The following ZNF674 variants were observed in gnomAD, a reference collection of about 807,000 sequenced individuals.
ZNF674 encodes zinc finger protein 674.
A neutral mutation model predicts 7.0 loss-of-function variants in ZNF674; 2 were observed. The ratio of observed to expected loss-of-function variants is 0.29; its 90% CI spans 0.12 to 0.90. ZNF674 has a LOEUF of 0.90. Among genes scored for constraint, ZNF674 ranks in the 40% least tolerant of loss-of-function variants. ZNF674 has a pLI of 0.57. For synonymous variants in ZNF674, 103 were observed against 145.2 expected (o/e 0.71, Z 2.09); for missense variants, 297 against 415.5 (o/e 0.71, Z 2.48).
rs1569476343 is a variant in ZNF674, at chrX:46,519,259, T to TG, written c.238+9090_238+9091insC. 6.8e-5 allele frequency among the ~76,000 whole-genome samples: 5 copies of TG among 73,573 alleles called. No homozygotes were observed. In the East Asian group the frequency reaches 1.9e-3, roughly 29 times the overall value. The allele number at this position is 73,573 out of a possible 115,157, so 63.9% of individuals were successfully genotyped here. ...ATAGATAGATAGATAGATAGATAGA[T>TG]AGATAAAGATAGATGATAGATAGAT... On this transcript the variant is annotated intron_variant, in intron 5 of 5. Transcript: ENST00000683375.
chrX:46,521,654 G>C (rs762958649), intron 5 of ZNF674, among the ~76,000 whole-genome samples: 1 of 109,308 alleles, frequency 9.1e-6, no homozygotes, highest in Non-Finnish European at 1.9e-5. Context: ...GCGGGGGAGG[G>C]GGGGGAGGTG....
rs911792344 is a variant in ZNF674, at chrX:46,544,523, A to C, written c.-52T>G. 1 of 112,123 alleles carries C rather than the reference A, an allele frequency of 8.9e-6. No individual in the cohort carries two copies. The highest frequency in any genetic ancestry group is 3.2e-5 in the African/African-American group (1 of 30,822). 9.2% of individuals were successfully genotyped at this position (112,123 alleles called of 1,213,427 possible). ...CACCTCTTCCTGGGGCCTCAGCCTA[A>C]GTCTTCTGCGACTAAGTGGGGAAGC... On this transcript the variant is annotated 5_prime_UTR_variant, in exon 2 of 6. Coordinates refer to ENST00000683375, the MANE Select transcript of ZNF674 (RefSeq NM_001190417.2).
intron 3 of ZNF674, among the ~76,000 whole-genome samples, chrX:46,534,550 C>T (rs144334831): frequency 1.7e-4 from 19 of 110,880 alleles, no homozygotes; most frequent in African/African-American, 5.9e-4. Flanking sequence ...TTTGTAGAAA[C>T]GAGGTTTCAC....
intron 5 of ZNF674, among the ~76,000 whole-genome samples, chrX:46,506,301 T>C (rs939073501): frequency 1.8e-5 from 2 of 110,201 alleles, no homozygotes; most frequent in African/African-American, 3.3e-5. Context: ...TTTTAGTGGG[T>C]CAAACTGGAC....
At chrX:46,539,831 CAAGTA>C (rs1016354601) in intron 3 of ZNF674, among the ~76,000 whole-genome samples, 6 of 112,092 alleles carry the variant, frequency 5.4e-5, no homozygotes, top group African/African-American at 1.9e-4. Flanking sequence ...CAACTAAATA[CAAGTA>C]AAGTGGAATG....
intron 3 of ZNF674, among the ~76,000 whole-genome samples, chrX:46,537,653 CCT>C (rs773717160): frequency 3.0e-4 from 34 of 111,994 alleles, no homozygotes; most frequent in South Asian, 1.8e-3. Flanking sequence ...ATACATAAAT[CCT>C]CTGTGTATTA....
chrX:46,515,470 A>C (rs1941747306), intron 5 of ZNF674, among the ~76,000 whole-genome samples: 1 of 111,990 alleles, frequency 8.9e-6, no homozygotes, highest in Non-Finnish European at 1.9e-5. Context: ...CTTTTAAGGA[A>C]GAAAGAATAC....
At chrX:46,501,539 G>A (rs1483536633) in intron 5 of ZNF674, among the ~76,000 whole-genome samples, 10 of 110,986 alleles carry the variant, frequency 9.0e-5, no homozygotes, top group Non-Finnish European at 1.7e-4. Context: ...AAGTGAGAGA[G>A]TAAACAGAAC....
At chrX:46,526,625 C>T (rs1020267236) in intron 5 of ZNF674, among the ~76,000 whole-genome samples, 13 of 110,630 alleles carry the variant, frequency 1.2e-4, no homozygotes, top group Admixed American at 1.1e-3. Flanking sequence ...ACAACAACAA[C>T]AACAACGAAG....
rs1941356510 is a variant in ZNF674 at position 46,498,258 on chromosome X, A to G, written c.*1585T>C. Reference sequence around the variant, plus strand: ...CTTTAAATAATACTGCTGTTATGGAAGATACTCTGAAAATTTTAAATCTTA... The same window carrying G: ...CTTTAAATAATACTGCTGTTATGGAGGATACTCTGAAAATTTTAAATCTTA... On this transcript the variant is annotated 3_prime_UTR_variant, in exon 6 of 6. Coordinates refer to ENST00000683375, the MANE Select transcript of ZNF674 (RefSeq NM_001190417.2). 9.0e-6 allele frequency: 1 copy of G among 111,612 alleles called. No individual in the cohort carries two copies. The highest frequency in any genetic ancestry group is 3.3e-5 in the African/African-American group (1 of 30,762). 9.2% of individuals were successfully genotyped at this position (111,612 alleles called of 1,213,427 possible). A position where few individuals can be genotyped will look rare whatever the true frequency, so the allele number is the denominator to read the frequency against.
chrX:46,516,626 T>C (rs193235991), intron 5 of ZNF674, among the ~76,000 whole-genome samples: 98 of 112,316 alleles, frequency 8.7e-4, no homozygotes, highest in Non-Finnish European at 1.4e-3. Context: ...TCAAAAGGCT[T>C]TGAAAACTGA....
At position 46,499,953 on chromosome X, in the gene ZNF674, TTC is replaced by T. The variant is rs760900801; in HGVS notation, c.1619_1620del (p.Arg540AsnfsTer9). 8 of 1,201,816 alleles carry T rather than the reference TTC, an allele frequency of 6.7e-6. No homozygotes were observed. Among genetic ancestry groups the T allele is most frequent in the Middle Eastern group, 2.3e-4 (1 of 4,305 alleles). ...SVKSTLIVHHRTHTGEKPYEC... is the reference protein window; with the variant it reads ...SVKSTLIVHHXTHTGEKPYEC... Reference sequence around the variant, plus strand: ...TCATAAGGTTTCTCTCCTGTATGAGTTCTGTGATGCACAATGAGAGTTGATTT... The same window carrying T: ...TCATAAGGTTTCTCTCCTGTATGAGTTGTGATGCACAATGAGAGTTGATTT... On this transcript the variant is annotated frameshift_variant, in exon 6 of 6. Transcript: ENST00000683375. LOFTEE classifies it low-confidence loss of function (END_TRUNC).
chrX:46,526,290 T>G (rs1353053569), intron 5 of ZNF674, among the ~76,000 whole-genome samples: 1 of 111,136 alleles, frequency 9.0e-6, no homozygotes, highest in Non-Finnish European at 1.9e-5. Flanking sequence ...AACTGTTTGG[T>G]TTTTTTTGAG....
At chrX:46,513,247 T>A (rs5952896) in intron 5 of ZNF674, among the ~76,000 whole-genome samples, 1 of 107,947 alleles carries the variant, frequency 9.3e-6, no homozygotes, top group East Asian at 2.9e-4. Flanking sequence ...TGGCAACGAG[T>A]GAGACTACGT....
rs774812221 is a variant in ZNF674 at position 46,501,143 on chromosome X, CATGA to C, written c.427_430del (p.Ser143GlyfsTer9). The C allele has an allele frequency of 7.5e-6, 9 of 1,205,531 alleles. No homozygotes were observed. The highest frequency in any genetic ancestry group is 1.0e-5 in the Non-Finnish European group (9 of 892,701). ...TAAATGATGTTTTGAACACCTTTCC[CATGA>C]ATAATATTTAGGGAGTCTTTGTTTT... is the stretch of plus-strand genomic sequence containing the variant. On this transcript the variant is annotated frameshift_variant, in exon 6 of 6. Coordinates refer to ENST00000683375, the MANE Select transcript of ZNF674 (RefSeq NM_001190417.2). LOFTEE classifies it low-confidence loss of function (END_TRUNC).
At position 46,501,136 on chromosome X, in the gene ZNF674, C is replaced by T. The variant is rs1941419821; in HGVS notation, c.438G>A (p.Arg146=). The T allele has an allele frequency of 5.8e-6, 7 of 1,204,808 alleles. No individual in the cohort carries two copies. In the South Asian group the frequency reaches 1.1e-4, roughly 18 times the overall value. The stretch of plus-strand genomic sequence containing the variant: ...GAAAGTTTAAATGATGTTTTGAACA[C>T]CTTTCCCATGAATAATATTTAGGGA... ...QRLPKYYSWE[R]CSKHHLNFLG... Residue 146 remains arginine, a synonymous_variant, in exon 6 of 6, where the codon AGG becomes AGA. Coordinates refer to ENST00000683375, the MANE Select transcript of ZNF674 (RefSeq NM_001190417.2).
rs369919818 is a variant in ZNF674, at chrX:46,518,942, G to A, written c.238+9408C>T. ...AATAGGGCAGGACACAGTGGTTCAC[G>A]CCTGTAATCCCAGCACTTTGGGAGG... is the stretch of plus-strand genomic sequence containing the variant. On this transcript the variant is annotated intron_variant, in intron 5 of 5. Transcript: ENST00000683375. Among the ~76,000 whole-genome samples the A allele has an allele frequency of 1.7e-3, 185 of 108,094 alleles. No homozygotes were observed. The Middle Eastern group carries it at 0.025, about 14-fold the overall frequency. The allele number at this position is 108,094 out of a possible 115,157, so 93.9% of individuals were successfully genotyped here.
intron 3 of ZNF674, chrX:46,529,668 CAAA>C (rs5902377): frequency 5.3e-5 from 3 of 56,952 alleles, no homozygotes; most frequent in Non-Finnish European, 6.5e-5. Context: ...GACTCCATCT[CAAA>C]AAAAAAAAAA....
At chrX:46,525,903 A>C (rs774642398) in intron 5 of ZNF674, among the ~76,000 whole-genome samples, 62 of 112,219 alleles carry the variant, frequency 5.5e-4, no homozygotes, top group African/African-American at 1.8e-3. Context: ...ATCTTATAAG[A>C]ACAAAAAAAG....
Sources: allele counts gnomAD v4.1 joint callset (sites outside exome capture counted in the v4.1 genomes callset), GRCh38; gene constraint gnomAD v4.1.1; transcripts MANE v1.5; gene names NCBI Gene and HGNC (gene_info 2026-07-23, HGNC 2026-07-21).